The following GHR variants were observed in gnomAD, a reference collection of about 807,000 sequenced individuals.
GHR encodes the protein GH receptor.
GHR carries 35 observed loss-of-function variants against 67.1 expected under a neutral mutation model. The observed-to-expected ratio is 0.52, with a 90% CI of 0.40 to 0.69. The LOEUF is 0.69. GHR is among the 30% of genes least tolerant of loss of function. The pLI is 0.00. For synonymous variants in GHR, 272 were observed against 269.1 expected (o/e 1.01, Z -0.10); for missense variants, 792 against 764.6 (o/e 1.04, Z -0.42).
chr5:42,492,820 G>A (rs1170664821), intron 1 of GHR, among the ~76,000 whole-genome samples: 2 of 152,134 alleles, frequency 1.3e-5, no homozygotes, highest in Admixed American at 1.3e-4. Flanking sequence ...CATTTCATGT[G>A]CATTCAAATT....
intron 1 of GHR, among the ~76,000 whole-genome samples, chr5:42,564,837 T>C (rs1053515680): frequency 1.3e-5 from 2 of 152,178 alleles, no homozygotes; most frequent in East Asian, 3.9e-4. Flanking sequence ...GGTATGATGA[T>C]AAGTCTCTGA....
chr5:42,586,485 G>A (rs552914866), intron 2 of GHR, among the ~76,000 whole-genome samples: 3 of 152,288 alleles, frequency 2.0e-5, no homozygotes, highest in South Asian at 2.1e-4. Context: ...AAATTGGCTC[G>A]ATGATAAGAT....
intron 3 of GHR, among the ~76,000 whole-genome samples, chr5:42,682,589 G>A (rs1422470585): frequency 6.6e-6 from 1 of 152,094 alleles, no homozygotes; most frequent in Non-Finnish European, 1.5e-5. Flanking sequence ...CGGCACAATG[G>A]TACTAGATGT....
intron 2 of GHR, among the ~76,000 whole-genome samples, chr5:42,620,001 T>C (rs991288275): frequency 6.6e-6 from 1 of 152,182 alleles, no homozygotes; most frequent in Admixed American, 6.5e-5. Flanking sequence ...ACAAACATGC[T>C]GCTGCATGCA....
intron 1 of GHR, among the ~76,000 whole-genome samples, chr5:42,484,796 C>T (rs114756047): frequency 8.2e-4 from 125 of 152,300 alleles, no homozygotes; most frequent in African/African-American, 2.9e-3. Context: ...TCTTCCTTTC[C>T]TATGCAGTTT....
At chr5:42,556,775 T>G (rs1270095045) in intron 1 of GHR, among the ~76,000 whole-genome samples, 1 of 152,332 alleles carries the variant, frequency 6.6e-6, no homozygotes, top group East Asian at 1.9e-4. Flanking sequence ...GGAGGCATTA[T>G]AAAGTGCAAT....
At chr5:42,605,701 C>G (rs1263749462) in intron 2 of GHR, among the ~76,000 whole-genome samples, 2 of 152,192 alleles carry the variant, frequency 1.3e-5, no homozygotes, top group African/African-American at 4.8e-5. Context: ...TTTGCTCTCT[C>G]AAATGGCAGG....
At chr5:42,440,310 G>T (rs946548881) in intron 1 of GHR, among the ~76,000 whole-genome samples, 1 of 152,064 alleles carries the variant, frequency 6.6e-6, no homozygotes, top group Non-Finnish European at 1.5e-5. Context: ...GACTCAGGTT[G>T]GTATATTTGA....
rs540834247 is a variant in GHR at position 42,535,530 on chromosome 5, C to G, written c.-11-30334C>G. 3.8e-4 allele frequency among the ~76,000 whole-genome samples: 58 copies of G among 152,242 alleles called. 1 individual carries two copies. The South Asian group carries it at 8.3e-3, about 22-fold the overall frequency. ...ATTGGTCTATGTGCCTATTTTCATA[C>G]CAATACCATGCTGTTTTGGTGACTA... is the stretch of plus-strand genomic sequence containing the variant. On this transcript the variant is annotated intron_variant, in intron 1 of 9. Transcript: ENST00000230882.
At chr5:42,671,204 C>T (rs963373450) in intron 3 of GHR, among the ~76,000 whole-genome samples, 1 of 152,096 alleles carries the variant, frequency 6.6e-6, no homozygotes. Context: ...GGTGCCAGCA[C>T]CTGGCCAGCT....
At chr5:42,494,917 A>C (rs192847952) in intron 1 of GHR, among the ~76,000 whole-genome samples, 1 of 152,184 alleles carries the variant, frequency 6.6e-6, no homozygotes, top group Admixed American at 6.5e-5. Context: ...AGTTGGAATT[A>C]AATTTCCAAT....
At chr5:42,630,192 T>C (rs1753872061) in intron 3 of GHR, among the ~76,000 whole-genome samples, 1 of 132,822 alleles carries the variant, frequency 7.5e-6, no homozygotes, top group South Asian at 2.3e-4. Flanking sequence ...CATGAATGAA[T>C]TAATTCTATT....
chr5:42,618,293 G>A (rs531602796), intron 2 of GHR, among the ~76,000 whole-genome samples: 13 of 152,194 alleles, frequency 8.5e-5, no homozygotes, highest in African/African-American at 2.9e-4. Flanking sequence ...CCTTTAGAAA[G>A]TGAATCTAAA....
intron 2 of GHR, among the ~76,000 whole-genome samples, chr5:42,571,141 A>T (rs1750284274): frequency 6.6e-6 from 1 of 152,250 alleles, no homozygotes; most frequent in Non-Finnish European, 1.5e-5. Context: ...CCTGGTGCAC[A>T]GTTCAGCCTA....
intron 2 of GHR, among the ~76,000 whole-genome samples, chr5:42,605,925 C>T (rs1376312761): frequency 6.6e-6 from 1 of 152,218 alleles, no homozygotes; most frequent in Non-Finnish European, 1.5e-5. Context: ...TAACTCCGTC[C>T]AGGGAGAAAC....
chr5:42,640,766 ATG>A (rs10628675), intron 3 of GHR, among the ~76,000 whole-genome samples: 91 of 151,202 alleles, frequency 6.0e-4, no homozygotes, highest in East Asian at 2.7e-3. Flanking sequence ...CATATCATAT[ATG>A]TGTGTGTGTG....
At position 42,548,459 on chromosome 5, in the gene GHR, C is replaced by A. The variant is rs1380280950; in HGVS notation, c.-11-17405C>A. ...AAAGAAAAAGGAAATTTAAAAAGTT[C>A]TTGATATAAAGCCTGGAGGAAACAA... On this transcript the variant is annotated intron_variant, in intron 1 of 9. Transcript: ENST00000230882. 4 of 984,846 alleles carry A rather than the reference C, an allele frequency of 4.1e-6. No homozygotes were observed. In the African/African-American group the frequency reaches 7.0e-5, roughly 17 times the overall value. 61.0% of individuals were successfully genotyped at this position (984,846 alleles called of 1,614,324 possible). A position where few individuals can be genotyped will look rare whatever the true frequency, so the allele number is the denominator to read the frequency against.
intron 1 of GHR, among the ~76,000 whole-genome samples, chr5:42,559,645 G>A (rs990478830): frequency 7.9e-5 from 12 of 152,090 alleles, no homozygotes; most frequent in African/African-American, 1.9e-4. Flanking sequence ...CCCCTCACAC[G>A]TTACACATTT....
At chr5:42,660,483 T>C (rs1443955606) in intron 3 of GHR, among the ~76,000 whole-genome samples, 4 of 152,244 alleles carry the variant, frequency 2.6e-5, no homozygotes, top group Non-Finnish European at 5.9e-5. Flanking sequence ...CCACCGCTGC[T>C]GGTACCCAGG....
Sources: gnomAD v4.1 joint callset for allele counts (sites outside exome capture counted in the v4.1 genomes callset) on GRCh38, gnomAD v4.1.1 for gene constraint, MANE v1.5 for transcripts, NCBI Gene and HGNC (gene_info 2026-07-23, HGNC 2026-07-21) for gene names.